The following EDA variants were observed in gnomAD, a reference collection of about 807,000 sequenced individuals.
EDA encodes ectodysplasin A, also known as ectodysplasin-A.
A neutral mutation model predicts 23.6 loss-of-function variants in EDA; 2 were observed. The observed-to-expected ratio is 0.08, with a 90% CI of 0.03 to 0.27. The LOEUF (loss-of-function observed/expected upper bound fraction) is 0.27. EDA is among the 10% of genes least tolerant of loss of function. EDA has a pLI of 1.00. For synonymous variants in EDA, 131 were observed against 132.0 expected (o/e 0.99, Z 0.05); for missense variants, 229 against 324.2 (o/e 0.71, Z 2.26).
At chrX:69,774,431 G>T (rs2014720790) in intron 1 of EDA, among the ~76,000 whole-genome samples, 1 of 111,756 alleles carries the variant, frequency 8.9e-6, no homozygotes, top group Admixed American at 9.6e-5. Flanking sequence ...CTACACTGCA[G>T]CCTAGAAATC....
chrX:70,025,840 A>T (rs941719800), intron 3 of EDA, among the ~76,000 whole-genome samples: 1 of 111,361 alleles, frequency 9.0e-6, no homozygotes, highest in African/African-American at 3.3e-5. Context: ...GGCTACAGGG[A>T]CTCTTCTGGG....
chrX:69,644,516 C>T (rs1046259617), intron 1 of EDA, among the ~76,000 whole-genome samples: 4 of 110,862 alleles, frequency 3.6e-5, no homozygotes, highest in African/African-American at 1.3e-4. Context: ...GCTTTTGGGC[C>T]GAGATGATGG....
At chrX:69,682,422 C>T (rs967531560) in intron 1 of EDA, among the ~76,000 whole-genome samples, 20 of 112,281 alleles carry the variant, frequency 1.8e-4, no homozygotes. Context: ...CCCCCAGCCT[C>T]GCTGCCACCT....
At chrX:69,875,994 T>C (rs1475081770) in intron 1 of EDA, among the ~76,000 whole-genome samples, 1 of 111,836 alleles carries the variant, frequency 8.9e-6, no homozygotes, top group Non-Finnish European at 1.9e-5. Flanking sequence ...TAAGAGATAT[T>C]GGCATGGACA....
intron 1 of EDA, among the ~76,000 whole-genome samples, chrX:69,814,336 T>C (rs1451717919): frequency 8.9e-6 from 1 of 112,829 alleles, no homozygotes; most frequent in Non-Finnish European, 1.9e-5. Flanking sequence ...TAAAAAGCCA[T>C]GGAAGAAATA....
rs958548296 is a variant in EDA, at chrX:70,027,141, T to G, written c.527-716T>G. ...ACCACAAAGTGACCCATAGGTCTAA[T>G]CACTTGGTAGAGAAATTCTCATCCT... On this transcript the variant is annotated intron_variant, in intron 3 of 7. Coordinates refer to ENST00000374552, the MANE Select transcript of EDA (RefSeq NM_001399.5). 5.4e-5 allele frequency among the ~76,000 whole-genome samples: 6 copies of G among 112,135 alleles called. No individual in the cohort carries two copies. The Admixed American group carries it at 5.7e-4, about 11-fold the overall frequency.
chrX:69,860,509 A>C (rs112196426), intron 1 of EDA, among the ~76,000 whole-genome samples: 1,961 of 111,512 alleles, frequency 0.018, 48 homozygotes, highest in African/African-American at 0.061. Context: ...GGGATATGAA[A>C]TTATGGGTTG....
intron 1 of EDA, among the ~76,000 whole-genome samples, chrX:69,823,632 T>C (rs1274026536): frequency 1.2e-4 from 11 of 90,019 alleles, no homozygotes; most frequent in East Asian, 4.0e-4. Context: ...GAAAATTTTC[T>C]CCCATTCTGT....
At chrX:69,956,271 TTTTCTTTCTTTCTTTCTTTC>T (rs533655797) in intron 1 of EDA, among the ~76,000 whole-genome samples, 3 of 81,201 alleles carry the variant, frequency 3.7e-5, no homozygotes, top group African/African-American at 8.2e-5. Flanking sequence ...AAATTCAAGG[TTTTCTTTCTTTCTTTCTTTC>T]TTTCTTTCTT....
intron 1 of EDA, among the ~76,000 whole-genome samples, chrX:69,891,993 T>A (rs2017940899): frequency 8.9e-6 from 1 of 112,017 alleles, no homozygotes; most frequent in Non-Finnish European, 1.9e-5. Flanking sequence ...CATGTGGTGA[T>A]CTTTAGAACC....
intron 1 of EDA, among the ~76,000 whole-genome samples, chrX:69,827,989 G>T (rs1178337204): frequency 9.0e-6 from 1 of 110,782 alleles, no homozygotes; most frequent in Admixed American, 9.6e-5. Flanking sequence ...CCTGCTGGGG[G>T]GTGCCTCCCA....
At chrX:69,828,057 T>G (rs2016502441) in intron 1 of EDA, among the ~76,000 whole-genome samples, 1 of 110,813 alleles carries the variant, frequency 9.0e-6, no homozygotes, top group Admixed American at 9.6e-5. Context: ...GTCTGCCCGT[T>G]CTCAGATCTC....
At chrX:69,930,545 T>C (rs1321980704) in intron 1 of EDA, among the ~76,000 whole-genome samples, 4 of 110,497 alleles carry the variant, frequency 3.6e-5, no homozygotes, top group Non-Finnish European at 7.6e-5. Context: ...ATAAAGGACA[T>C]CTACAAAAGT....
intron 1 of EDA, among the ~76,000 whole-genome samples, chrX:69,745,487 A>G (rs2520398): frequency 9.0e-6 from 1 of 111,293 alleles, no homozygotes. Context: ...AAAAAACAAA[A>G]CCAAAAAATG....
chrX:69,641,188 G>C (rs758701129), intron 1 of EDA, among the ~76,000 whole-genome samples: 2 of 111,027 alleles, frequency 1.8e-5, no homozygotes, highest in Admixed American at 1.9e-4. Flanking sequence ...GTCCTGTTCT[G>C]TTGTTTTAAC....
At chrX:69,893,281 C>G (rs1602514945) in intron 1 of EDA, among the ~76,000 whole-genome samples, 1 of 111,211 alleles carries the variant, frequency 9.0e-6, no homozygotes, top group East Asian at 2.8e-4. Flanking sequence ...TGGGGCCCAC[C>G]CTAAATCCAG....
rs1310627616 is a variant in EDA, at chrX:69,914,379, G to C, written c.397-42648G>C. 3.6e-5 allele frequency among the ~76,000 whole-genome samples: 4 copies of C among 112,015 alleles called. No homozygotes were observed. In the East Asian group the frequency reaches 1.1e-3, roughly 31 times the overall value. The stretch of plus-strand genomic sequence containing the variant: ...AGAAAGATTAAGCGACCTTCCCAGT[G>C]TCACATGACTAGAAAATAATAGAGC... On this transcript the variant is annotated intron_variant, in intron 1 of 7. Transcript: ENST00000374552.
intron 1 of EDA, among the ~76,000 whole-genome samples, chrX:69,846,882 A>G (rs767010528): frequency 1.5e-4 from 17 of 111,553 alleles, no homozygotes; most frequent in Non-Finnish European, 2.8e-4. Context: ...TGGAGCCCCA[A>G]CTGATACAGG....
chrX:69,692,205 A>G (rs1000070164), intron 1 of EDA, among the ~76,000 whole-genome samples: 1 of 111,656 alleles, frequency 9.0e-6, no homozygotes, highest in Non-Finnish European at 1.9e-5. Flanking sequence ...CATGAACCCT[A>G]TGTACTGGTT....
Sources: allele counts gnomAD v4.1 joint callset (sites outside exome capture counted in the v4.1 genomes callset), GRCh38; gene constraint gnomAD v4.1.1; transcripts MANE v1.5; gene names NCBI Gene and HGNC (gene_info 2026-07-23, HGNC 2026-07-21).